The following BIRC6 variants were observed in gnomAD, a reference collection of about 807,000 sequenced individuals.
BIRC6 encodes the protein dual E2 ubiquitin-conjugating enzyme/E3 ubiquitin-protein ligase BIRC6.
BIRC6 carries 98 observed loss-of-function variants against 503.3 expected under a neutral mutation model. That is an observed-to-expected ratio of 0.19 (90% confidence interval 0.17 to 0.23). The LOEUF is 0.23. Among genes scored for constraint, BIRC6 ranks in the 10% least tolerant of loss-of-function variants. BIRC6 has a pLI of 1.00. For synonymous variants in BIRC6, 2,240 were observed against 2,078.7 expected, an observed-to-expected ratio of 1.08 and a Z score of -2.11; for missense variants, 5,360 against 5,806.0, an observed-to-expected ratio of 0.92 and a Z score of 2.50.
At chr2:32,559,388 C>G (rs1431452309) in intron 65 of BIRC6, among the ~76,000 whole-genome samples, 1 of 152,084 alleles carries the variant, frequency 6.6e-6, no homozygotes, top group African/African-American at 2.4e-5. Flanking sequence ...TGCCTCTGTT[C>G]TTTGTCAGGC....
chr2:32,469,730 C>A, intron 30 of BIRC6, 116 bp downstream of exon 30: 2 of 960,990 alleles, frequency 2.1e-6, no homozygotes, highest in South Asian at 1.6e-5. Context: ...TGAAGCAGAT[C>A]TCAGAGTTTG....
At chr2:32,507,788 T>C (rs921117768) in intron 50 of BIRC6, among the ~76,000 whole-genome samples, 192 bp from the exon 51 acceptor site, 1 of 152,190 alleles carries the variant, frequency 6.6e-6, no homozygotes, top group African/African-American at 2.4e-5. Context: ...TCAAATATTT[T>C]GTGTTGAAAA....
At chr2:32,377,456 T>C (rs1348861389) in intron 1 of BIRC6, 132 bp from the exon 2 acceptor site, 8 of 590,730 alleles carry the variant, frequency 1.4e-5, no homozygotes, top group Non-Finnish European at 1.8e-5. Context: ...AATAATGTTC[T>C]TTAGAGAAGT....
At chr2:32,460,270 A>ATATATATATG (rs2047727062) in intron 23 of BIRC6, among the ~76,000 whole-genome samples, 1 of 24,194 alleles carries the variant, frequency 4.1e-5, no homozygotes, top group East Asian at 1.6e-3. Flanking sequence ...ATATATATAT[A>ATATATATATG]TATTTTTTTT....
At position 32,578,791 on chromosome 2, in the gene BIRC6, T is replaced by C. The variant is rs532145008; in HGVS notation, c.13355+3425T>C. Among the ~76,000 whole-genome samples, 6 of 151,350 alleles carry C rather than the reference T, an allele frequency of 4.0e-5. No individual in the cohort carries two copies. The East Asian group carries it at 1.2e-3, about 30-fold the overall frequency. Reference sequence around the variant, plus strand: ...TCCAGTCTGGGCAACAGAGGGAAACTCTGTCTCAAAAAATACATACATACA... The same window carrying C: ...TCCAGTCTGGGCAACAGAGGGAAACCCTGTCTCAAAAAATACATACATACA... On this transcript the variant is annotated intron_variant, in intron 66 of 73. Transcript: ENST00000421745.
rs1024178804 is a variant in BIRC6, at chr2:32,439,524, A to C, written c.3648A>C (p.Lys1216Asn). 1.2e-6 allele frequency: 2 copies of C among 1,613,384 alleles called. No individual in the cohort carries two copies. Among genetic ancestry groups the C allele is most frequent in the African/African-American group, 2.7e-5 (2 of 74,916 alleles). Residue 1216 changes from lysine to asparagine, a missense_variant, in exon 16 of 74, where the codon AAA becomes AAC. By Grantham distance (94) the Lys-to-Asn change is moderately conservative. Coordinates refer to ENST00000421745, the MANE Select transcript of BIRC6 (RefSeq NM_016252.4). ...PKLVKGMAGG[K>N]YRSFLIHVKA... ...CTTCTCTAGGTATGGCAGGAGGAAA[A>C]TATCGTTCGTTTTTAATCCATGTCA...
intron 65 of BIRC6, among the ~76,000 whole-genome samples, chr2:32,559,235 A>C (rs947136131): frequency 6.6e-6 from 1 of 152,234 alleles, no homozygotes; most frequent in African/African-American, 2.4e-5. Flanking sequence ...ATCAGCAAAC[A>C]GGCCCTTTTG....
intron 73 of BIRC6, among the ~76,000 whole-genome samples, chr2:32,614,358 T>C (rs1168509353): frequency 1.3e-5 from 2 of 152,238 alleles, no homozygotes; most frequent in African/African-American, 2.4e-5. Flanking sequence ...TATTTAGATA[T>C]GTTTTTCACT....
At chr2:32,537,053 C>T (rs1456984259) in intron 61 of BIRC6, among the ~76,000 whole-genome samples, 1 of 152,120 alleles carries the variant, frequency 6.6e-6, no homozygotes, top group East Asian at 1.9e-4. Flanking sequence ...CATGATTTGG[C>T]TCTCTGTTTG....
Position 32,441,419 on chromosome 2 carries a change from G to T in BIRC6, c.3901G>T (p.Val1301Phe). The change falls in exon 17 of 74, where the codon GTC (valine) becomes TTC (phenylalanine). Residue 1301 changes from valine (V) to phenylalanine (F), a missense_variant. Physicochemically the swap from Val to Phe is conservative, Grantham distance 50. Around this residue, in one of 16 missense-constraint regions of BIRC6, gnomAD observed 2,299 missense variants for 2,267.2 expected, o/e 1.01. Transcript: ENST00000421745. ...RGCDLLQEVSVTIRRFKKTSI... is the reference protein window; with the variant it reads ...RGCDLLQEVSFTIRRFKKTSI... The stretch of plus-strand genomic sequence containing the variant: ...CTGTGATTTACTTCAAGAGGTCTCA[G>T]TCACCATTCGAAGATTTAAGAAAAC... 1 of 1,610,960 alleles carries T rather than the reference G, an allele frequency of 6.2e-7. No homozygotes were observed.
At chr2:32,370,916 G>A (rs1193104434) in intron 1 of BIRC6, among the ~76,000 whole-genome samples, 1 of 152,042 alleles carries the variant, frequency 6.6e-6, no homozygotes, top group East Asian at 1.9e-4. Context: ...TGTATTTCTT[G>A]TAACATTTTT....
chr2:32,510,906 T>G (rs902812358), intron 53 of BIRC6, among the ~76,000 whole-genome samples: 1 of 152,202 alleles, frequency 6.6e-6, no homozygotes, highest in Non-Finnish European at 1.5e-5. Context: ...AAAACATATA[T>G]TTTTAAGTTG....
chr2:32,394,861 A>AT (rs2039681822), intron 5 of BIRC6, among the ~76,000 whole-genome samples: 1 of 152,134 alleles, frequency 6.6e-6, no homozygotes, highest in Admixed American at 6.5e-5. Context: ...CTTTAAAAAA[A>AT]CAACAAGAGG....
chr2:32,590,868 C>A (rs1281947186), intron 66 of BIRC6: 1 of 985,730 alleles, frequency 1.0e-6, no homozygotes, highest in Non-Finnish European at 1.2e-6. Flanking sequence ...TAGCGGCCGT[C>A]GCTGATTGCT....
chr2:32,618,030 G>A lies in BIRC6; in HGVS notation c.*126G>A, dbSNP rs2063349658. ...ACTGAAACTATACTATGCCCTTAAG[G>A]AGATCCAGTTTAATTCAAGGTGATC... On this transcript the variant is annotated 3_prime_UTR_variant, in exon 74 of 74. Transcript: ENST00000421745. 2 of 930,684 alleles carry A rather than the reference G, an allele frequency of 2.1e-6. No individual in the cohort carries two copies. The highest frequency in any genetic ancestry group is 1.7e-5 in the African/African-American group (1 of 60,262). 57.7% of individuals were successfully genotyped at this position (930,684 alleles called of 1,614,324 possible).
At chr2:32,382,406 A>G (rs2037804125) in intron 3 of BIRC6, among the ~76,000 whole-genome samples, 2 of 152,242 alleles carry the variant, frequency 1.3e-5, no homozygotes. Flanking sequence ...CTACTGCATC[A>G]TGTCCTTTGC....
rs779371602 is a variant in BIRC6, at chr2:32,415,309, A to G, written c.2018A>G (p.Asp673Gly). The part of the protein sequence containing the change: ...TVPQIIEMEL[D>G]SQEQLLLQDP... ...CCACAGATTATTGAAATGGAGCTGGATAGTCAGGAGCAGTTGTTATTGCAG... is the reference window on the plus strand; with the variant it reads ...CCACAGATTATTGAAATGGAGCTGGGTAGTCAGGAGCAGTTGTTATTGCAG... The change falls in exon 10 of 74, where the codon GAT becomes GGT. Residue 673 changes from aspartate to glycine, a missense_variant. Transcript: ENST00000421745. 9 of 1,614,084 alleles carry G rather than the reference A, an allele frequency of 5.6e-6. No individual in the cohort carries two copies. The South Asian group carries it at 9.9e-5, about 18-fold the overall frequency.
chr2:32,531,672 T>A, intron 61 of BIRC6, 121 bp downstream of exon 61: 1 of 888,340 alleles, frequency 1.1e-6, no homozygotes, highest in South Asian at 1.8e-5. Context: ...TTTATATTTT[T>A]TGAACATTAT....
chr2:32,607,566 G>A lies in BIRC6; in HGVS notation c.14182G>A (p.Asp4728Asn). Reference protein sequence around the residue: ...PSGTQSSREYDGNIRQATVKW... With the variant: ...PSGTQSSREYNGNIRQATVKW... ...TGGCACACAGAGTTCTCGAGAATAT[G>A]ATGGAAACATTCGACAAGCAACAGT... The change falls in exon 72 of 74, where the codon GAT becomes AAT. Residue 4728 changes from aspartate (D) to asparagine (N), a missense_variant. Transcript: ENST00000421745. 5 of 1,613,910 alleles carry A rather than the reference G, an allele frequency of 3.1e-6. No homozygotes were observed. The highest frequency in any genetic ancestry group is 1.3e-5 in the African/African-American group (1 of 75,046).
Sources: gnomAD v4.1 joint callset for allele counts (sites outside exome capture counted in the v4.1 genomes callset) on GRCh38, gnomAD v4.1.1 for gene constraint, gnomAD v4.1.1 regional missense constraint, MANE v1.5 for transcripts, NCBI Gene and HGNC (gene_info 2026-07-23, HGNC 2026-07-21) for gene names.